THSD7B: variants seen among roughly 807,000 people sequenced by gnomAD.
THSD7B encodes the protein thrombospondin type-1 domain-containing protein 7B.
Under a neutral mutation model 213.6 loss-of-function variants are expected in THSD7B, and 138 were observed. The observed-to-expected ratio is 0.65, with a 90% CI of 0.56 to 0.74. The LOEUF is 0.74. THSD7B is among the 30% of genes least tolerant of loss of function. The probability of loss-of-function intolerance (pLI) is 0.00; values close to 1 mark genes in which losing one functional copy is unlikely to be tolerated. For synonymous variants in THSD7B, 742 were observed against 687.0 expected, an observed-to-expected ratio of 1.08 and a Z score of -1.25; for missense variants, 1,931 against 1,991.5, an observed-to-expected ratio of 0.97 and a Z score of 0.58.
intron 1 of THSD7B, among the ~76,000 whole-genome samples, chr2:136,829,613 A>G (rs1682716420): frequency 6.6e-6 from 1 of 152,152 alleles, no homozygotes; most frequent in African/African-American, 2.4e-5. Context: ...GTTCTTTGCT[A>G]GGTTGTCTCA....
intron 1 of THSD7B, among the ~76,000 whole-genome samples, chr2:136,836,797 A>G (rs1682850653): frequency 6.6e-6 from 1 of 152,024 alleles, no homozygotes; most frequent in African/African-American, 2.4e-5. Flanking sequence ...CTCTCCTTGG[A>G]TGTCTAAAGT....
At chr2:137,486,603 G>C (rs1322020316) in intron 15 of THSD7B, among the ~76,000 whole-genome samples, 1 of 148,928 alleles carries the variant, frequency 6.7e-6, no homozygotes, top group Non-Finnish European at 1.5e-5. Context: ...AAGTTAACAA[G>C]GATACCCAGG....
chr2:137,470,786 A>T (rs1688076442), intron 15 of THSD7B, among the ~76,000 whole-genome samples: 1 of 152,192 alleles, frequency 6.6e-6, no homozygotes, highest in Admixed American at 6.5e-5. Context: ...TTTAAAAATC[A>T]GAATGTCTGG....
chr2:137,588,234 C>T (rs1369530984), intron 17 of THSD7B, among the ~76,000 whole-genome samples: 1 of 152,202 alleles, frequency 6.6e-6, no homozygotes, highest in Non-Finnish European at 1.5e-5. Context: ...CTGTCTGTCA[C>T]AGATTCCCTT....
Position 137,655,524 on chromosome 2 carries a change from T to A in THSD7B, c.3969T>A (p.Val1323=), listed in dbSNP as rs79244658. ...AGGGTGGAGACTGTGGGGAAGGAGT[T>A]CAGATCCGCAGCCTTTCCTGCATGG... is the stretch of plus-strand genomic sequence containing the variant. The part of the protein sequence containing the change: ...KLEGGDCGEG[V]QIRSLSCMVH... Residue 1323 remains valine, a synonymous_variant, in exon 22 of 28, where the codon GTT becomes GTA. Coordinates refer to ENST00000409968, the MANE Select transcript of THSD7B (RefSeq NM_001316349.2). 3.8e-4 allele frequency: 610 copies of A among 1,612,182 alleles called. 9 individuals carry two copies. In the East Asian group the frequency reaches 9.2e-3, roughly 24 times the overall value.
chr2:136,839,165 G>A (rs1435331275), intron 1 of THSD7B, among the ~76,000 whole-genome samples: 30 of 152,192 alleles, frequency 2.0e-4, no homozygotes, highest in Non-Finnish European at 1.5e-5. Context: ...ATGCTTTGAG[G>A]AGCAAAGATC....
intron 15 of THSD7B, among the ~76,000 whole-genome samples, chr2:137,532,238 A>G (rs1372698851): frequency 2.0e-5 from 3 of 151,914 alleles, no homozygotes; most frequent in African/African-American, 7.2e-5. Flanking sequence ...CAAATGTATT[A>G]TGGTAGTTCT....
chr2:137,297,403 G>T (rs1683492444), intron 12 of THSD7B, among the ~76,000 whole-genome samples: 1 of 151,208 alleles, frequency 6.6e-6, no homozygotes, highest in South Asian at 2.2e-4. Context: ...TAAGTATGTG[G>T]AGTTCAACTT....
At chr2:137,132,763 A>G (rs1015820968) in intron 5 of THSD7B, among the ~76,000 whole-genome samples, 1 of 152,196 alleles carries the variant, frequency 6.6e-6, no homozygotes, top group Non-Finnish European at 1.5e-5. Flanking sequence ...GTTGCATGCT[A>G]GTGATAAGTA....
chr2:137,245,100 C>T (rs112669775), intron 10 of THSD7B, among the ~76,000 whole-genome samples: 15 of 152,234 alleles, frequency 9.9e-5, no homozygotes, highest in African/African-American at 2.9e-4. Context: ...GCCCATAGAT[C>T]CATGAGCAAA....
intron 14 of THSD7B, among the ~76,000 whole-genome samples, chr2:137,432,233 T>C (rs1687202402): frequency 6.6e-6 from 1 of 151,782 alleles, no homozygotes; most frequent in African/African-American, 2.4e-5. Context: ...TCTACTAAAA[T>C]CCAAAAAATT....
intron 3 of THSD7B, among the ~76,000 whole-genome samples, chr2:137,065,505 G>C (rs1687358888): frequency 6.6e-6 from 1 of 151,654 alleles, no homozygotes; most frequent in Admixed American, 6.6e-5. Flanking sequence ...TCTCTTGTCT[G>C]ATTCCTCCAA....
At chr2:137,405,917 C>A in intron 13 of THSD7B, 110 bp downstream of exon 13, 2 of 930,300 alleles carry the variant, frequency 2.1e-6, no homozygotes, top group Non-Finnish European at 3.2e-6. Context: ...CTCTTCCTCT[C>A]TCTCCATTCG....
chr2:137,162,913 C>T (rs1680046732), intron 6 of THSD7B, among the ~76,000 whole-genome samples: 1 of 152,122 alleles, frequency 6.6e-6, no homozygotes, highest in African/African-American at 2.4e-5. Flanking sequence ...GCATGCGCCA[C>T]CATGTCTGAT....
At chr2:136,782,439 C>T (rs1681759551) in intron 1 of THSD7B, among the ~76,000 whole-genome samples, 1 of 152,090 alleles carries the variant, frequency 6.6e-6, no homozygotes, top group South Asian at 2.1e-4. Flanking sequence ...TCAAAAACAC[C>T]CTTTGAATGA....
At chr2:136,891,877 C>T (rs1032507855) in intron 2 of THSD7B, among the ~76,000 whole-genome samples, 3 of 152,102 alleles carry the variant, frequency 2.0e-5, no homozygotes, top group Non-Finnish European at 4.4e-5. Flanking sequence ...GTCATTAGGC[C>T]CTGCTAAGTG....
At chr2:137,210,592 C>A (rs778241950) in intron 7 of THSD7B, among the ~76,000 whole-genome samples, 7 of 151,918 alleles carry the variant, frequency 4.6e-5, no homozygotes, top group Non-Finnish European at 8.8e-5. Context: ...ATTGTCAAAT[C>A]TTTATAAACT....
intron 27 of THSD7B, among the ~76,000 whole-genome samples, chr2:137,671,679 T>A (rs1278465280): frequency 6.6e-6 from 1 of 152,188 alleles, no homozygotes; most frequent in Non-Finnish European, 1.5e-5. Flanking sequence ...TTCAGTTACC[T>A]CCACCTAGTT....
At chr2:137,470,085 A>G (rs1334567276) in intron 15 of THSD7B, among the ~76,000 whole-genome samples, 1 of 152,236 alleles carries the variant, frequency 6.6e-6, no homozygotes, top group Non-Finnish European at 1.5e-5. Flanking sequence ...TGGAAAAGCT[A>G]TAAAAGAAGT....
Sources: allele counts gnomAD v4.1 joint callset (sites outside exome capture counted in the v4.1 genomes callset), GRCh38; gene constraint gnomAD v4.1.1; transcripts MANE v1.5; gene names NCBI Gene and HGNC (gene_info 2026-07-23, HGNC 2026-07-21).